The following PRDM16 variants were observed in gnomAD, a reference collection of about 807,000 sequenced individuals.
PRDM16 encodes the protein PR/SET domain 16, also known as histone-lysine N-methyltransferase PRDM16.
In PRDM16, 23 loss-of-function variants were observed where a neutral mutation model predicts 110.6. That is an observed-to-expected ratio of 0.21 (90% confidence interval 0.15 to 0.29). PRDM16 has a LOEUF of 0.29. Among genes scored for constraint, PRDM16 ranks in the 10% least tolerant of loss-of-function variants. PRDM16 has a pLI of 1.00. For missense variants in PRDM16, 1,615 were observed against 1,794.3 expected (o/e 0.90, Z 1.81); for synonymous variants, 799 against 781.8 (o/e 1.02, Z -0.37).
In PRDM16 at chr1:3,208,360, TGAC is replaced by T. The variant is rs377080620; in HGVS notation, c.387+21892_387+21894del. 9.2e-5 allele frequency: 14 copies of T among 152,240 alleles called. No individual in the cohort carries two copies. Among genetic ancestry groups the T allele is most frequent in the African/African-American group, 3.4e-4 (14 of 41,540 alleles). 9.4% of individuals were successfully genotyped at this position (152,240 alleles called of 1,614,324 possible). On this transcript the variant is annotated intron_variant, in intron 2 of 16. Coordinates refer to ENST00000270722, the MANE Select transcript of PRDM16 (RefSeq NM_022114.4). This position sits in a 1 kb window ranked among gnomAD's most constrained non-coding sequence, Gnocchi z 6.1. ...GTGTGCCCGAGGCCACCCCGAGTGA[TGAC>T]GACGATTGAAAATGTCTCCAGAGGC...
In PRDM16 at chr1:3,360,719, G is replaced by A. The variant is rs557072086; in HGVS notation, c.439-24433G>A. Among the ~76,000 whole-genome samples, 7 of 152,318 alleles carry A rather than the reference G, an allele frequency of 4.6e-5. No homozygotes were observed. In the South Asian group the frequency reaches 1.5e-3, roughly 32 times the overall value. ...CAGACCTGGGTGGGACAAGCACAGGGCCCAGCACGCCCATCGGGACAGGAG... is the reference window on the plus strand; with the variant it reads ...CAGACCTGGGTGGGACAAGCACAGGACCCAGCACGCCCATCGGGACAGGAG... On this transcript the variant is annotated intron_variant, in intron 3 of 16. Coordinates refer to ENST00000270722, the MANE Select transcript of PRDM16 (RefSeq NM_022114.4).
chr1:3,101,407 C>T (rs1314909007), intron 1 of PRDM16, among the ~76,000 whole-genome samples: 1 of 152,210 alleles, frequency 6.6e-6, no homozygotes, highest in Non-Finnish European at 1.5e-5. Context: ...ATTAAATTCC[C>T]CCTCGTTTTC....
chr1:3,090,997 A>G (rs1304674785), intron 1 of PRDM16, among the ~76,000 whole-genome samples: 1 of 150,958 alleles, frequency 6.6e-6, no homozygotes, highest in Non-Finnish European at 1.5e-5. Flanking sequence ...TGGCTCAGGA[A>G]AGTCACGTTT....
intron 3 of PRDM16, among the ~76,000 whole-genome samples, chr1:3,377,528 T>C (rs1260411716): frequency 6.6e-6 from 1 of 152,178 alleles, no homozygotes; most frequent in African/African-American, 2.4e-5. Context: ...TCAGCATTTC[T>C]GATGGGGTTG....
At chr1:3,160,045 G>T (rs895970738) in intron 1 of PRDM16, among the ~76,000 whole-genome samples, 2 of 152,238 alleles carry the variant, frequency 1.3e-5, no homozygotes, top group Admixed American at 1.3e-4. Context: ...ACCCAGCTGT[G>T]TTGGGCTGAG....
chr1:3,171,280 T>A (rs1644022880), intron 1 of PRDM16, among the ~76,000 whole-genome samples: 1 of 152,206 alleles, frequency 6.6e-6, no homozygotes, highest in Non-Finnish European at 1.5e-5. Context: ...CGGCGCTTGC[T>A]CAGCATTTAA....
intron 1 of PRDM16, among the ~76,000 whole-genome samples, chr1:3,082,612 C>T (rs547762995): frequency 4.4e-4 from 67 of 152,356 alleles, no homozygotes; most frequent in African/African-American, 1.5e-3. Context: ...ATCCATGCCT[C>T]GGCTGGGTCA....
intron 2 of PRDM16, among the ~76,000 whole-genome samples, chr1:3,223,791 C>T (rs984536819): frequency 6.6e-6 from 1 of 152,110 alleles, no homozygotes; most frequent in Admixed American, 6.5e-5. Context: ...GAACAGGCAG[C>T]GAGAACCGGG....
chr1:3,322,598 C>T (rs1380378760), intron 3 of PRDM16, among the ~76,000 whole-genome samples: 2 of 152,164 alleles, frequency 1.3e-5, no homozygotes, highest in Non-Finnish European at 2.9e-5. Flanking sequence ...CCGGTCTCCT[C>T]CCAGACCTGC....
intron 2 of PRDM16, among the ~76,000 whole-genome samples, chr1:3,193,917 C>T (rs930036158): frequency 6.6e-6 from 1 of 152,152 alleles, no homozygotes; most frequent in African/African-American, 2.4e-5. Context: ...TGGGCTGGGG[C>T]CAGGGAGGGT....
chr1:3,130,143 C>CT (rs1410942354), intron 1 of PRDM16, among the ~76,000 whole-genome samples: 1 of 152,152 alleles, frequency 6.6e-6, no homozygotes, highest in Non-Finnish European at 1.5e-5. Context: ...TTGGGGACAG[C>CT]TAGTGAGGAA....
chr1:3,169,674 C>T (rs1474332326), intron 1 of PRDM16, among the ~76,000 whole-genome samples: 2 of 152,252 alleles, frequency 1.3e-5, no homozygotes, highest in East Asian at 1.9e-4. Context: ...CCGCCCCCCA[C>T]GGGCCCCCCA....
At chr1:3,131,925 T>A (rs1404203396) in intron 1 of PRDM16, among the ~76,000 whole-genome samples, 2 of 152,220 alleles carry the variant, frequency 1.3e-5, no homozygotes, top group Non-Finnish European at 2.9e-5. Flanking sequence ...AGCCCCATAA[T>A]ACTTAAAATG....
chr1:3,234,758 C>T (rs1315885873), intron 2 of PRDM16, among the ~76,000 whole-genome samples: 6 of 152,352 alleles, frequency 3.9e-5, no homozygotes, highest in Admixed American at 3.9e-4. Flanking sequence ...ATTTTCCACT[C>T]ACTGACTCAT....
At chr1:3,405,152 G>A (rs1429675532) in intron 7 of PRDM16, among the ~76,000 whole-genome samples, 1 of 152,178 alleles carries the variant, frequency 6.6e-6, no homozygotes, top group Non-Finnish European at 1.5e-5. Context: ...CCTCCCGCCG[G>A]TGTGGAAGGA....
chr1:3,119,263 G>A (rs1450874722), intron 1 of PRDM16, among the ~76,000 whole-genome samples: 1 of 152,268 alleles, frequency 6.6e-6, no homozygotes, highest in East Asian at 1.9e-4. Flanking sequence ...TGCTGGTGAA[G>A]GGCCGGTGCC....
chr1:3,104,666 C>T (rs1263990004), intron 1 of PRDM16, among the ~76,000 whole-genome samples: 1 of 128,072 alleles, frequency 7.8e-6, no homozygotes, highest in Non-Finnish European at 1.6e-5. Flanking sequence ...GAGCTGCAGC[C>T]ACTTTGTCAC....
intron 3 of PRDM16, among the ~76,000 whole-genome samples, chr1:3,361,501 C>G (rs1642713178): frequency 1.3e-5 from 2 of 152,248 alleles, no homozygotes; most frequent in African/African-American, 4.8e-5. Context: ...AAAAGGGTAT[C>G]TGTGGAACGT....
At chr1:3,183,046 C>T (rs1032785659) in intron 1 of PRDM16, among the ~76,000 whole-genome samples, 19 of 152,234 alleles carry the variant, frequency 1.2e-4, no homozygotes, top group Non-Finnish European at 2.5e-4. Flanking sequence ...TAAAGGATGT[C>T]AGGTCTCCTG....
Sources: gnomAD v4.1 joint callset for allele counts (sites outside exome capture counted in the v4.1 genomes callset) on GRCh38, gnomAD v4.1.1 for gene constraint, Gnocchi (gnomAD v3.1) non-coding constraint, MANE v1.5 for transcripts, NCBI Gene and HGNC (gene_info 2026-07-23, HGNC 2026-07-21) for gene names.